PDZD4: variants seen among roughly 807,000 people sequenced by gnomAD.
PDZD4 encodes PDZ domain containing 4.
A neutral mutation model predicts 38.5 loss-of-function variants in PDZD4; 9 were observed. The observed-to-expected ratio is 0.23, with a 90% CI of 0.14 to 0.41. The LOEUF (loss-of-function observed/expected upper bound fraction) is 0.41. Among genes scored for constraint, PDZD4 ranks in the 10% least tolerant of loss-of-function variants. PDZD4 has a pLI of 1.00. For missense variants in PDZD4, 612 were observed against 722.0 expected (o/e 0.85, Z 1.75); for synonymous variants, 349 against 315.7 (o/e 1.11, Z -1.12).
chrX:153,824,384 C>T (rs782480716), intron 1 of PDZD4, among the ~76,000 whole-genome samples: 2 of 111,907 alleles, frequency 1.8e-5, no homozygotes, highest in East Asian at 2.8e-4. Context: ...TCAGCTTCTG[C>T]GGCAGAACCA....
chrX:153,806,030 A>T, intron 5 of PDZD4, 41 bp downstream of exon 5: 1 of 1,201,095 alleles, frequency 8.3e-7, no homozygotes, highest in Non-Finnish European at 1.1e-6. Context: ...CGACGGGCAC[A>T]GCGGGGCCTT....
chrX:153,806,005 G>A, intron 5 of PDZD4, 66 bp downstream of exon 5: 1 of 1,127,545 alleles, frequency 8.9e-7, no homozygotes, highest in Non-Finnish European at 1.2e-6. Context: ...ACTGGCTAAA[G>A]AGAGGTGGCT....
At chrX:153,826,585 T>C (rs1318815960) in intron 1 of PDZD4, among the ~76,000 whole-genome samples, 2 of 110,281 alleles carry the variant, frequency 1.8e-5, no homozygotes, top group Non-Finnish European at 3.8e-5. Context: ...ATTTTTTTTG[T>C]ATTTTTAGTA....
At position 153,807,656 on chromosome X, in the gene PDZD4, G is replaced by T. The variant is rs1274520816; in HGVS notation, c.315-287C>A. ...GACCAGAACTCCTCCAACCACGCCA[G>T]CTGGCAGGGACCAACTTCTCCAATC... On this transcript the variant is annotated intron_variant, in intron 2 of 7. Transcript: ENST00000393758. Among the ~76,000 whole-genome samples the T allele has an allele frequency of 7.1e-5, 8 of 113,144 alleles. No homozygotes were observed. In the East Asian group the frequency reaches 2.0e-3, roughly 28 times the overall value.
chrX:153,824,209 A>G (rs1441350758), intron 1 of PDZD4, among the ~76,000 whole-genome samples: 2 of 111,356 alleles, frequency 1.8e-5, no homozygotes, highest in Non-Finnish European at 3.8e-5. Flanking sequence ...CAGACTGGAC[A>G]GTCCTCAGGA....
In PDZD4 at chrX:153,802,971, C is replaced by T. The variant is rs782296306; in HGVS notation, c.*382G>A. 6.3e-4 allele frequency: 91 copies of T among 144,210 alleles called. No individual in the cohort carries two copies. The highest frequency in any genetic ancestry group is 5.4e-3 in the Middle Eastern group (2 of 373). The allele number at this position is 144,210 out of a possible 1,213,427, so 11.9% of individuals were successfully genotyped here. A position where few individuals can be genotyped will look rare whatever the true frequency, so the allele number is the denominator to read the frequency against. On this transcript the variant is annotated 3_prime_UTR_variant, in exon 8 of 8. Coordinates refer to ENST00000393758, the MANE Select transcript of PDZD4 (RefSeq NM_001303512.2). ...ACACTCTCTTGTGCTCCTTTCAGCT[C>T]AGCTTCCCTGTCTGCAAGTACACGG...
intron 1 of PDZD4, among the ~76,000 whole-genome samples, chrX:153,826,601 G>A (rs1164277979): frequency 2.7e-5 from 3 of 110,166 alleles, no homozygotes; most frequent in Non-Finnish European, 5.7e-5. Context: ...TAGTAGAGAC[G>A]GGGTTCCACT....
Position 153,804,955 on chromosome X carries a change from G to A in PDZD4, c.781-55C>T, listed in dbSNP as rs782382666. 81 of 1,151,509 alleles carry A rather than the reference G, an allele frequency of 7.0e-5. No homozygotes were observed. The African/African-American group carries it at 1.3e-3, about 18-fold the overall frequency. The allele number at this position is 1,151,509 out of a possible 1,213,427, so 94.9% of individuals were successfully genotyped here. A position where few individuals can be genotyped will look rare whatever the true frequency, so the allele number is the denominator to read the frequency against. On this transcript the variant is annotated intron_variant, in intron 7 of 7. Coordinates refer to ENST00000393758, the MANE Select transcript of PDZD4 (RefSeq NM_001303512.2). Reference sequence around the variant, plus strand: ...TAGGTCCCACGGACAGGGATGTCACGGGATGTCACAGGAGGATCGGAAGGG... The same window carrying A: ...TAGGTCCCACGGACAGGGATGTCACAGGATGTCACAGGAGGATCGGAAGGG...
chrX:153,829,960 G>T, intron 1 of PDZD4: 1 of 805,202 alleles, frequency 1.2e-6, no homozygotes, highest in Non-Finnish European at 1.6e-6. Context: ...GGGGAACTGC[G>T]CTCGTTGCTA....
Position 153,807,342 on chromosome X carries a change from G to A in PDZD4, c.342C>T (p.Asp114=). 1 of 1,209,349 alleles carries A rather than the reference G, an allele frequency of 8.3e-7. No individual in the cohort carries two copies. The highest frequency in any genetic ancestry group is 1.8e-5 in the South Asian group (1 of 56,472). ...ELPPISHEYY[D]PAEFMEGGPQ... is the part of the protein sequence containing the mutation. ...GGCCGCCCTCCATAAACTCCGCCGG[G>A]TCATAATACTCATGGCTGATTGGGG... The change falls in exon 3 of 8, where the codon GAC becomes GAT. Residue 114 remains aspartate, a synonymous_variant. Coordinates refer to ENST00000393758, the MANE Select transcript of PDZD4 (RefSeq NM_001303512.2).
intron 6 of PDZD4, 128 bp from the exon 7 acceptor site, chrX:153,805,335 C>T: frequency 4.1e-6 from 3 of 731,772 alleles, no homozygotes; most frequent in Non-Finnish European, 6.1e-6. Context: ...CGTCCCAGCC[C>T]CCTCAGCCTT....
chrX:153,804,508 G>A lies in PDZD4; in HGVS notation c.1173C>T (p.Ser391=), dbSNP rs782798709. 3 of 1,210,030 alleles carry A rather than the reference G, an allele frequency of 2.5e-6. No homozygotes were observed. Among genetic ancestry groups the A allele is most frequent in the South Asian group, 3.5e-5 (2 of 57,001 alleles). The change falls in exon 8 of 8, where the codon AGC becomes AGT. Residue 391 remains serine (S), a synonymous_variant. Coordinates refer to ENST00000393758, the MANE Select transcript of PDZD4 (RefSeq NM_001303512.2). ...TCTCGTTGCGGTTGACGTCCAGGGC[G>A]CTGTTGCCTCCGGAGGCCCGGGGAA... ...LLFPRASGGN[S]ALDVNRNESL...
At chrX:153,819,706 GGC>G (rs1557080832) in intron 1 of PDZD4, among the ~76,000 whole-genome samples, 1 of 112,649 alleles carries the variant, frequency 8.9e-6, no homozygotes, top group Non-Finnish European at 1.9e-5. Flanking sequence ...GGCCAAGTCA[GGC>G]ATCGGGGGAT....
In PDZD4 at chrX:153,818,457, AAAAT is replaced by A. The variant is rs1423947651; in HGVS notation, c.61-9866_61-9863del. ...CTGTCTCAAAAATAATAAAAATTTA[AAAAT>A]AAATAAATAAAAATTTAAAAAGCAA... On this transcript the variant is annotated intron_variant, in intron 1 of 7. Coordinates refer to ENST00000393758, the MANE Select transcript of PDZD4 (RefSeq NM_001303512.2). Among the ~76,000 whole-genome samples, 339 of 111,650 alleles carry A rather than the reference AAAAT, an allele frequency of 3.0e-3. 2 individuals are homozygous for A. Among genetic ancestry groups the A allele is most frequent in the African/African-American group, 0.011 (329 of 30,753 alleles).
chrX:153,813,352 A>T (rs2064328939), intron 1 of PDZD4, among the ~76,000 whole-genome samples: 1 of 111,712 alleles, frequency 9.0e-6, no homozygotes, highest in Admixed American at 9.5e-5. Flanking sequence ...GGATATCAAC[A>T]GGTGCTCAGG....
At chrX:153,811,667 GA>G (rs2064311179) in intron 1 of PDZD4, among the ~76,000 whole-genome samples, 1 of 112,777 alleles carries the variant, frequency 8.9e-6, no homozygotes, top group Non-Finnish European at 1.9e-5. Flanking sequence ...TCAAGGTGGA[GA>G]AAATTTCTTG....
intron 1 of PDZD4, among the ~76,000 whole-genome samples, chrX:153,825,630 C>G (rs1218613060): frequency 8.9e-6 from 1 of 112,489 alleles, no homozygotes; most frequent in African/African-American, 3.2e-5. Context: ...ACGAAAGTGC[C>G]TGTGACAACC....
chrX:153,823,051 T>C (rs1355994778), intron 1 of PDZD4, among the ~76,000 whole-genome samples: 1 of 110,138 alleles, frequency 9.1e-6, no homozygotes, highest in Non-Finnish European at 1.9e-5. Context: ...TTTTCATTAT[T>C]TTTTATTTAA....
intron 1 of PDZD4, among the ~76,000 whole-genome samples, chrX:153,828,774 C>A (rs1340197313): frequency 8.9e-6 from 1 of 112,026 alleles, no homozygotes; most frequent in Non-Finnish European, 1.9e-5. Flanking sequence ...AAATCGCTTG[C>A]CGTTTGATGG....
Sources: allele counts gnomAD v4.1 joint callset (sites outside exome capture counted in the v4.1 genomes callset), GRCh38; gene constraint gnomAD v4.1.1; transcripts MANE v1.5; gene names NCBI Gene and HGNC (gene_info 2026-07-23, HGNC 2026-07-21).